The following ATF2 variants were observed in gnomAD, a reference collection of about 807,000 sequenced individuals.
ATF2 encodes the protein cyclic AMP-dependent transcription factor ATF-2.
ATF2 carries 24 observed loss-of-function variants against 60.6 expected under a neutral mutation model. The ratio of observed to expected loss-of-function variants is 0.40; its 90% CI spans 0.29 to 0.56. The LOEUF (loss-of-function observed/expected upper bound fraction) is 0.56, where lower values mean the gene tolerates loss of function less well. Among genes scored for constraint, ATF2 ranks in the 20% least tolerant of loss-of-function variants. The probability of loss-of-function intolerance (pLI) is 0.54; values close to 1 mark genes in which losing one functional copy is unlikely to be tolerated. For synonymous variants in ATF2, 206 were observed against 215.4 expected (o/e 0.96, Z 0.38); for missense variants, 433 against 607.7 (o/e 0.71, Z 3.02).
intron 1 of ATF2, among the ~76,000 whole-genome samples, chr2:175,166,585 T>C (rs987012673): frequency 3.3e-5 from 5 of 152,224 alleles, no homozygotes; most frequent in African/African-American, 1.2e-4. Flanking sequence ...TAAAACTGCT[T>C]CTGTGTTTGT....
intron 1 of ATF2, among the ~76,000 whole-genome samples, chr2:175,165,219 T>G (rs1332216879): frequency 1.3e-5 from 2 of 152,202 alleles, no homozygotes; most frequent in Non-Finnish European, 2.9e-5. Context: ...GAATATTAAT[T>G]ATTGCTATTC....
intron 1 of ATF2, among the ~76,000 whole-genome samples, chr2:175,163,997 T>TAA (rs1700193648): frequency 7.1e-6 from 1 of 140,916 alleles, no homozygotes; most frequent in Non-Finnish European, 1.5e-5. Context: ...AAGATATATA[T>TAA]AATGAATACA....
chr2:175,132,287 G>A (rs899260677), intron 3 of ATF2, among the ~76,000 whole-genome samples: 8 of 152,148 alleles, frequency 5.3e-5, no homozygotes, highest in African/African-American at 1.4e-4. Flanking sequence ...AAAAATACAC[G>A]TAAATCTCAG....
Position 175,084,431 on chromosome 2 carries a change from G to A in ATF2, c.1186-3666C>T, listed in dbSNP as rs577211121. 2.0e-5 allele frequency among the ~76,000 whole-genome samples: 3 copies of A among 146,630 alleles called. No homozygotes were observed. In the Admixed American group the frequency reaches 2.1e-4, roughly 10 times the overall value. ...ACACCACATGTTCTCACTCATAGATGGGAACCGAACAATGAGAACACATGG... is the reference window on the plus strand; with the variant it reads ...ACACCACATGTTCTCACTCATAGATAGGAACCGAACAATGAGAACACATGG... On this transcript the variant is annotated intron_variant, in intron 12 of 13. Transcript: ENST00000264110.
intron 3 of ATF2, 98 bp from the exon 4 acceptor site, chr2:175,130,305 T>C: frequency 1.4e-6 from 1 of 713,642 alleles, no homozygotes; most frequent in Non-Finnish European, 2.1e-6. Flanking sequence ...TATTAACTTT[T>C]CTATTTTAAT....
intron 1 of ATF2, among the ~76,000 whole-genome samples, chr2:175,163,562 T>G (rs1393343052): frequency 6.6e-6 from 1 of 152,054 alleles, no homozygotes; most frequent in Non-Finnish European, 1.5e-5. Context: ...TATGGGTGAA[T>G]AGGCAAAGCC....
chr2:175,125,945 A>G (rs1697297601), intron 4 of ATF2, among the ~76,000 whole-genome samples: 1 of 152,086 alleles, frequency 6.6e-6, no homozygotes, highest in Admixed American at 6.5e-5. Flanking sequence ...GCAAAACAAA[A>G]AAGTTCCACC....
chr2:175,117,539 G>T (rs1188623234), intron 7 of ATF2, among the ~76,000 whole-genome samples: 1 of 151,860 alleles, frequency 6.6e-6, no homozygotes, highest in Non-Finnish European at 1.5e-5. Context: ...AGATTATCTG[G>T]GTATTCAAGC....
At chr2:175,080,521 A>AT (rs1322727329) in intron 13 of ATF2, 139 bp downstream of exon 13, 3 of 644,240 alleles carry the variant, frequency 4.7e-6, no homozygotes, top group Non-Finnish European at 7.6e-6. Context: ...ACTGCATTCT[A>AT]TAATAACCTT....
At chr2:175,087,140 A>G (rs1694225541) in intron 12 of ATF2, among the ~76,000 whole-genome samples, 1 of 152,212 alleles carries the variant, frequency 6.6e-6, no homozygotes, top group Non-Finnish European at 1.5e-5. Flanking sequence ...TTCAGCCTCC[A>G]AAGTCCTTCT....
At chr2:175,099,239 G>A (rs955420526) in intron 10 of ATF2, among the ~76,000 whole-genome samples, 2 of 151,722 alleles carry the variant, frequency 1.3e-5, no homozygotes, top group Admixed American at 1.3e-4. Flanking sequence ...GAGGAGCTGG[G>A]ATTACAGGTG....
At chr2:175,095,596 T>C (rs543582368) in intron 11 of ATF2, among the ~76,000 whole-genome samples, 1 of 152,336 alleles carries the variant, frequency 6.6e-6, no homozygotes, top group East Asian at 1.9e-4. Context: ...TTCTTAGAAG[T>C]GTATACTGCT....
chr2:175,085,338 C>T (rs1004005558), intron 12 of ATF2, among the ~76,000 whole-genome samples: 2 of 151,818 alleles, frequency 1.3e-5, no homozygotes, highest in Admixed American at 1.3e-4. Context: ...AGTTTAAGAC[C>T]AGCCTGGCCA....
At chr2:175,138,081 T>C (rs1698258531) in intron 2 of ATF2, among the ~76,000 whole-genome samples, 1 of 152,216 alleles carries the variant, frequency 6.6e-6, no homozygotes, top group African/African-American at 2.4e-5. Context: ...CATAGACAAT[T>C]GTTAATATAT....
chr2:175,089,579 T>A (rs938674911), intron 12 of ATF2, among the ~76,000 whole-genome samples: 2 of 152,216 alleles, frequency 1.3e-5, no homozygotes, highest in African/African-American at 4.8e-5. Context: ...TTACAAGTCA[T>A]TCTGTTCTTC....
At chr2:175,157,325 C>A (rs1699748221) in intron 1 of ATF2, among the ~76,000 whole-genome samples, 1 of 152,026 alleles carries the variant, frequency 6.6e-6, no homozygotes, top group African/African-American at 2.4e-5. Context: ...TGGCCCCCAT[C>A]CCCACTTCAT....
intron 1 of ATF2, among the ~76,000 whole-genome samples, chr2:175,160,597 C>T (rs1699958976): frequency 6.6e-6 from 1 of 152,062 alleles, no homozygotes. Flanking sequence ...AACTTTGTGG[C>T]CAAAAATTGA....
intron 2 of ATF2, among the ~76,000 whole-genome samples, chr2:175,139,878 G>A (rs1334426860): frequency 6.6e-6 from 1 of 151,998 alleles, no homozygotes. Context: ...TTCAATACTG[G>A]TGAAGGCATC....
At chr2:175,121,611 T>A in intron 4 of ATF2, 71 bp from the exon 5 acceptor site, 1 of 1,185,336 alleles carries the variant, frequency 8.4e-7, no homozygotes, top group Non-Finnish European at 1.2e-6. Context: ...ATTAGGAAAT[T>A]AATTTCCACA....
Sources: gnomAD v4.1 joint callset for allele counts (sites outside exome capture counted in the v4.1 genomes callset) on GRCh38, gnomAD v4.1.1 for gene constraint, MANE v1.5 for transcripts, NCBI Gene and HGNC (gene_info 2026-07-23, HGNC 2026-07-21) for gene names.